The following CCDC187 variants were observed in gnomAD, a reference collection of about 807,000 sequenced individuals.
The protein encoded by CCDC187 is coiled-coil domain-containing protein 187.
Under a neutral mutation model 38.0 loss-of-function variants are expected in CCDC187, and 32 were observed. The ratio of observed to expected loss-of-function variants is 0.84; its 90% CI spans 0.64 to 1.13. CCDC187 has a LOEUF of 1.13. Among genes scored for constraint, CCDC187 ranks in the 50% most tolerant of loss-of-function variants. CCDC187 has a pLI of 0.00. For missense variants in CCDC187, 707 were observed against 786.8 expected (o/e 0.90, Z 1.21); for synonymous variants, 333 against 347.9 (o/e 0.96, Z 0.48).
At chr9:136,300,674 T>C (rs1336256338) in intron 2 of CCDC187, among the ~76,000 whole-genome samples, 4 of 152,034 alleles carry the variant, frequency 2.6e-5, no homozygotes, top group Non-Finnish European at 5.9e-5. Context: ...CTCAGCTCAC[T>C]GCAACCTCCA....
chr9:136,295,416 C>T (rs1325120597), intron 4 of CCDC187, among the ~76,000 whole-genome samples: 1 of 152,158 alleles, frequency 6.6e-6, no homozygotes, highest in Non-Finnish European at 1.5e-5. Flanking sequence ...AATTTTTTTA[C>T]GAGAGGATTT....
In CCDC187 at chr9:136,263,360, G is replaced by A. The variant is rs555059687; in HGVS notation, c.3912+262C>T. ...TGCCATTCTCCTGCCTCAGCCTCCCGAGTAGCTGGGACCACAGGCACCCAC... is the reference window on the plus strand; with the variant it reads ...TGCCATTCTCCTGCCTCAGCCTCCCAAGTAGCTGGGACCACAGGCACCCAC... On this transcript the variant is annotated intron_variant, in intron 18 of 25. Transcript: ENST00000638797. Among the ~76,000 whole-genome samples the A allele has an allele frequency of 8.0e-4, 120 of 150,264 alleles. 1 individual carries two copies. The highest frequency in any genetic ancestry group is 4.8e-3 in the East Asian group (24 of 5,016).
chr9:136,278,595 A>T (rs1830977777), intron 10 of CCDC187, among the ~76,000 whole-genome samples: 3 of 151,594 alleles, frequency 2.0e-5, no homozygotes. Context: ...ATCTTGGCAC[A>T]TGGCAGCTGC....
Position 136,253,787 on chromosome 9 carries a change from G to T in CCDC187, c.6041C>A (p.Pro2014Gln), listed in dbSNP as rs1481159398. The change falls in exon 26 of 26, where the codon CCA becomes CAA. Residue 2014 changes from proline (P) to glutamine (Q), a missense_variant. By Grantham distance (76) the Pro-to-Gln change is moderately conservative. Transcript: ENST00000638797. The part of the protein sequence containing the change: ...SSIHREAPLP[P>Q]PPPTPQAQSD... ...CTGTGCTTGGGGAGTGGGAGGAGGT[G>T]GGGGTAGGGGGGCCTCCCTGTGGAT... The T allele has an allele frequency of 2.0e-6, 2 of 985,566 alleles. No individual in the cohort carries two copies. Among genetic ancestry groups the T allele is most frequent in the Non-Finnish European group, 2.4e-6 (2 of 829,966 alleles). The allele number at this position is 985,566 out of a possible 1,614,324, so 61.1% of individuals were successfully genotyped here. A position where few individuals can be genotyped will look rare whatever the true frequency, so the allele number is the denominator to read the frequency against.
chr9:136,260,338 C>A, intron 19 of CCDC187, 74 bp from the exon 20 acceptor site: 1 of 978,146 alleles, frequency 1.0e-6, no homozygotes, highest in Non-Finnish European at 1.2e-6. Flanking sequence ...CTGGCCACAA[C>A]CTCCACCAGC....
At chr9:136,295,619 C>A (rs1379846127) in intron 4 of CCDC187, among the ~76,000 whole-genome samples, 1 of 152,216 alleles carries the variant, frequency 6.6e-6, no homozygotes, top group Non-Finnish European at 1.5e-5. Context: ...CAGCAAATTT[C>A]TAATTCATCC....
rs1351499162 is a variant in CCDC187, at chr9:136,257,949, C to T, written c.4366+983G>A. Among the ~76,000 whole-genome samples, 5 of 152,218 alleles carry T rather than the reference C, an allele frequency of 3.3e-5. No individual in the cohort carries two copies. The highest frequency in any genetic ancestry group is 3.9e-4 in the East Asian group (2 of 5,188). On this transcript the variant is annotated intron_variant, in intron 22 of 25. Transcript: ENST00000638797. This position sits in a 1 kb window ranked among gnomAD's most constrained non-coding sequence, Gnocchi z 4.5. ...CAGGCCTCAGGCTCCTCCTCTGCTG[C>T]GTGGGCATAACGAGTGAATCCACCT...
rs376578609 is a variant in CCDC187, at chr9:136,254,551, G to A, written c.5277C>T (p.Ser1759=). ...RSGSELSEAS[S]KVWEEDCEED... ...CCTCGCAGTCCTCCTCCCAAACTTTGCTGGAGGCCTCTGACAGCTCTGACC... is the reference window on the plus strand; with the variant it reads ...CCTCGCAGTCCTCCTCCCAAACTTTACTGGAGGCCTCTGACAGCTCTGACC... Residue 1759 remains serine (S), a synonymous_variant, in exon 26 of 26, where the codon AGC becomes AGT. Transcript: ENST00000638797. 16 of 985,534 alleles carry A rather than the reference G, an allele frequency of 1.6e-5. No individual in the cohort carries two copies. In the East Asian group the frequency reaches 1.4e-3, roughly 84 times the overall value. 61.0% of individuals were successfully genotyped at this position (985,534 alleles called of 1,614,324 possible).
chr9:136,296,313 T>TG (rs1831533873), intron 4 of CCDC187: 1 of 152,268 alleles, frequency 6.6e-6, no homozygotes, highest in Non-Finnish European at 1.5e-5. Flanking sequence ...TCACTCCACC[T>TG]GGGGGCTCTT....
intron 16 of CCDC187, 114 bp from the exon 17 acceptor site, chr9:136,266,157 A>G (rs1444207096): frequency 1.2e-5 from 6 of 487,542 alleles, no homozygotes; most frequent in African/African-American, 6.3e-5. Flanking sequence ...TGCCCTCCCA[A>G]GGTGCAGGCA....
Position 136,286,154 on chromosome 9 carries a change from A to G in CCDC187, c.2764T>C (p.Ser922Pro). The change falls in exon 8 of 26, where the codon TCG (serine) becomes CCG (proline). Residue 922 changes from serine (S) to proline (P), a missense_variant. Ser to Pro is a moderately conservative substitution (Grantham distance 74, BLOSUM62 -1). Transcript: ENST00000638797. ...TGTTGCTCCCAGCTGGGGCCCCACG[A>G]CAGTGTCTCGCCGTCCAGGAAGTAG... The part of the protein sequence containing the change: ...PTYFLDGETL[S>P]WGPSWEQQQS... 2.5e-6 allele frequency: 1 copy of G among 398,558 alleles called. No homozygotes were observed. The allele number at this position is 398,558 out of a possible 1,614,324, so 24.7% of individuals were successfully genotyped here. A position where few individuals can be genotyped will look rare whatever the true frequency, so the allele number is the denominator to read the frequency against.
At chr9:136,271,663 G>A (rs1204545150) in intron 14 of CCDC187, among the ~76,000 whole-genome samples, 32 of 145,388 alleles carry the variant, frequency 2.2e-4, no homozygotes, top group African/African-American at 6.7e-4. Context: ...GCTGGAGTGC[G>A]GTGGCGCGAT....
rs1192929291 is a variant in CCDC187, at chr9:136,254,122, G to A, written c.5706C>T (p.Phe1902=). Reference sequence around the variant, plus strand: ...AGCCAGAAGTCTCTCCTCCTTTGCCGAAATCTGCCCCTTCACTCAAAGAGG... The same window carrying A: ...AGCCAGAAGTCTCTCCTCCTTTGCCAAAATCTGCCCCTTCACTCAAAGAGG... The part of the protein sequence containing the change: ...SWTSLSEGAD[F]GKGGETSGYQ... The change falls in exon 26 of 26, where the codon TTC becomes TTT. Residue 1902 remains phenylalanine, a synonymous_variant. Transcript: ENST00000638797. 45 of 985,454 alleles carry A rather than the reference G, an allele frequency of 4.6e-5. No individual in the cohort carries two copies. The East Asian group carries it at 1.7e-3, about 37-fold the overall frequency. 61.0% of individuals were successfully genotyped at this position (985,454 alleles called of 1,614,324 possible). A position where few individuals can be genotyped will look rare whatever the true frequency, so the allele number is the denominator to read the frequency against.
intron 19 of CCDC187, among the ~76,000 whole-genome samples, chr9:136,261,641 G>A (rs900552673): frequency 2.6e-5 from 4 of 152,244 alleles, no homozygotes; most frequent in East Asian, 1.9e-4. Context: ...GAGGAGGCAC[G>A]GAGCCAATGG....
chr9:136,290,633 C>T lies in CCDC187; in HGVS notation c.1980G>A (p.Ser660=), dbSNP rs946017060. 3.0e-5 allele frequency: 12 copies of T among 398,474 alleles called. No individual in the cohort carries two copies. The highest frequency in any genetic ancestry group is 1.0e-4 in the African/African-American group (5 of 48,628). The allele number at this position is 398,474 out of a possible 1,614,324, so 24.7% of individuals were successfully genotyped here. A position where few individuals can be genotyped will look rare whatever the true frequency, so the allele number is the denominator to read the frequency against. The change falls in exon 6 of 26, where the codon TCG becomes TCA. Residue 660 remains serine (S), a synonymous_variant. Coordinates refer to ENST00000638797, the MANE Select transcript of CCDC187 (RefSeq NM_001378188.1). ...TCCTCAGCTCCCGTGTGCGCAGGGCCGAGGCCTTCTCCTCCAGGGCCTGCC... is the reference window on the plus strand; with the variant it reads ...TCCTCAGCTCCCGTGTGCGCAGGGCTGAGGCCTTCTCCTCCAGGGCCTGCC... ...RRRQALEEKA[S]ALRTRELRSR...
chr9:136,267,571 C>G (rs1442299773), intron 15 of CCDC187, 60 bp from the exon 16 acceptor site: 5 of 985,444 alleles, frequency 5.1e-6, no homozygotes, highest in Non-Finnish European at 6.0e-6. Context: ...CCGGGCCTCG[C>G]GGGGCTCCAG....
intron 14 of CCDC187, among the ~76,000 whole-genome samples, chr9:136,271,038 G>A (rs1364592588): frequency 6.6e-6 from 1 of 152,026 alleles, no homozygotes; most frequent in Non-Finnish European, 1.5e-5. Context: ...TTATTATACT[G>A]AAACAGTTTG....
intron 3 of CCDC187, 57 bp downstream of exon 3, chr9:136,300,163 A>G (rs1193977855): frequency 1.3e-5 from 5 of 398,078 alleles, no homozygotes; most frequent in African/African-American, 2.1e-5. Flanking sequence ...TGCTGCCCCC[A>G]TCATGGCCTG....
intron 12 of CCDC187, among the ~76,000 whole-genome samples, chr9:136,275,977 C>A (rs1830923875): frequency 6.6e-6 from 1 of 152,110 alleles, no homozygotes; most frequent in African/African-American, 2.4e-5. Context: ...TGGGGCACCC[C>A]CCAGTGCCAG....
Sources: gnomAD v4.1 joint callset for allele counts (sites outside exome capture counted in the v4.1 genomes callset) on GRCh38, gnomAD v4.1.1 for gene constraint, Gnocchi (gnomAD v3.1) non-coding constraint, MANE v1.5 for transcripts, NCBI Gene and HGNC (gene_info 2026-07-23, HGNC 2026-07-21) for gene names.